Variants in KAZN observed in about 807,000 individuals in gnomAD.
The protein encoded by KAZN is kazrin, periplakin interacting protein, also known as kazrin.
Under a neutral mutation model 87.4 loss-of-function variants are expected in KAZN, and 40 were observed. That is an observed-to-expected ratio of 0.46 (90% CI 0.36 to 0.60). The LOEUF is 0.60. Among genes scored for constraint, KAZN ranks in the 20% least tolerant of loss-of-function variants. The probability of loss-of-function intolerance (pLI) is 0.00; values close to 1 mark genes in which losing one functional copy is unlikely to be tolerated. For missense variants in KAZN, 898 were observed against 1,073.9 expected, an observed-to-expected ratio of 0.84 and a Z score of 2.29; for synonymous variants, 466 against 458.3, an observed-to-expected ratio of 1.02 and a Z score of -0.22.
In KAZN at chr1:14,558,103, G is replaced by T. The variant is rs190810079; in HGVS notation, c.250-40880G>T. ...AGAAAGAATCCCTTCTTCTTTTCAAGTTCTACAGTCACAGATTAAAACAAT... is the reference window on the plus strand; with the variant it reads ...AGAAAGAATCCCTTCTTCTTTTCAATTTCTACAGTCACAGATTAAAACAAT... On this transcript the variant is annotated intron_variant, in intron 2 of 16. Coordinates refer to the KAZN transcript ENST00000636203. 3.3e-5 allele frequency among the ~76,000 whole-genome samples: 5 copies of T among 152,296 alleles called. No individual in the cohort carries two copies. In the East Asian group the frequency reaches 9.6e-4, roughly 29 times the overall value.
At chr1:14,353,334 C>G (rs1267923253) in intron 2 of KAZN, among the ~76,000 whole-genome samples, 7 of 70,836 alleles carry the variant, frequency 9.9e-5, no homozygotes, top group African/African-American at 1.7e-4. Flanking sequence ...ATGCCATTCT[C>G]CTGCCTCAGC....
chr1:14,086,040 C>T (rs1057357317), intron 1 of KAZN, among the ~76,000 whole-genome samples: 1 of 152,148 alleles, frequency 6.6e-6, no homozygotes, highest in Non-Finnish European at 1.5e-5. Context: ...TTGCCATCCT[C>T]TTAAATATAC....
At chr1:14,457,871 G>T (rs1226224452) in intron 2 of KAZN, among the ~76,000 whole-genome samples, 1 of 149,644 alleles carries the variant, frequency 6.7e-6, no homozygotes, top group African/African-American at 2.5e-5. Flanking sequence ...AGGCTGGAGT[G>T]CAGTGGTGCA....
chr1:14,461,946 G>A (rs754235253), intron 2 of KAZN, among the ~76,000 whole-genome samples: 2 of 151,810 alleles, frequency 1.3e-5, no homozygotes, highest in Non-Finnish European at 1.5e-5. Context: ...ATTCTCTCCT[G>A]GGTGATATGG....
intron 1 of KAZN, among the ~76,000 whole-genome samples, chr1:14,020,096 A>G (rs1640755791): frequency 1.3e-5 from 2 of 151,938 alleles, no homozygotes; most frequent in South Asian, 4.2e-4. Flanking sequence ...AGCATGCAGC[A>G]TAGATTTCTT....
chr1:14,285,258 A>G lies in KAZN; in HGVS notation c.249+104666A>G, dbSNP rs975834854. On this transcript the variant is annotated intron_variant, in intron 2 of 16. Coordinates refer to the KAZN transcript ENST00000636203. ...AAGCCTAGTGTATATAAACTACTCA[A>G]TAAGTATTGGCCATTATTATCCTTT... Among the ~76,000 whole-genome samples the G allele has an allele frequency of 3.3e-5, 5 of 152,234 alleles. No homozygotes were observed. In the South Asian group the frequency reaches 1.0e-3, roughly 32 times the overall value.
At chr1:14,502,777 CACTT>C (rs1375252810) in intron 2 of KAZN, among the ~76,000 whole-genome samples, 21 of 152,262 alleles carry the variant, frequency 1.4e-4, no homozygotes, top group Admixed American at 1.4e-3. Context: ...CATTGACAGA[CACTT>C]ACTATGTGCC....
intron 2 of KAZN, among the ~76,000 whole-genome samples, chr1:14,382,457 A>AACCC (rs1661447276): frequency 2.2e-5 from 1 of 45,864 alleles, no homozygotes; most frequent in Non-Finnish European, 4.0e-5. Context: ...TCCCAATGCT[A>AACCC]TCCCTCCCCC....
Position 14,871,820 on chromosome 1 carries a change from G to C in KAZN, c.227-88864G>C, listed in dbSNP as rs190300516. 8.7e-3 allele frequency among the ~76,000 whole-genome samples: 1,319 copies of C among 152,180 alleles called. 19 individuals are homozygous for C. Among genetic ancestry groups the C allele is most frequent in the African/African-American group, 0.029 (1,205 of 41,488 alleles). On this transcript the variant is annotated intron_variant, in intron 1 of 14. Transcript: ENST00000376030. ...CATGCTGACCCTTGGAATCAGAGTG[G>C]GGTCAGCCCCACGTGAGTCTCAGTG...
chr1:14,411,820 T>A (rs1048011759), intron 2 of KAZN, among the ~76,000 whole-genome samples: 2 of 151,896 alleles, frequency 1.3e-5, no homozygotes, highest in African/African-American at 4.9e-5. Context: ...CAGACAGTAA[T>A]AACACGTAAC....
At chr1:13,990,388 T>C (rs1639221091) in intron 1 of KAZN, among the ~76,000 whole-genome samples, 1 of 152,148 alleles carries the variant, frequency 6.6e-6, no homozygotes, top group South Asian at 2.1e-4. Context: ...TGGATGAATA[T>C]CATAAACATT....
intron 8 of KAZN, among the ~76,000 whole-genome samples, chr1:15,079,648 C>G (rs1243680437): frequency 1.3e-5 from 2 of 152,162 alleles, no homozygotes; most frequent in Non-Finnish European, 2.9e-5. Context: ...CCCTGGCCAC[C>G]TGTGTCAAGA....
intron 1 of KAZN, among the ~76,000 whole-genome samples, chr1:14,648,056 T>G (rs1680941723): frequency 6.6e-6 from 1 of 152,214 alleles, no homozygotes; most frequent in Non-Finnish European, 1.5e-5. Flanking sequence ...GAACTTTTCC[T>G]TAGGAACTTT....
intron 1 of KAZN, among the ~76,000 whole-genome samples, chr1:13,914,480 G>A (rs1004485335): frequency 1.3e-5 from 2 of 152,240 alleles, no homozygotes; most frequent in Non-Finnish European, 2.9e-5. Flanking sequence ...GGTGGGTGGG[G>A]TCTGTGCCTG....
At chr1:15,100,278 A>C (rs925731736) in intron 10 of KAZN, among the ~76,000 whole-genome samples, 1 of 152,126 alleles carries the variant, frequency 6.6e-6, no homozygotes, top group Non-Finnish European at 1.5e-5. Flanking sequence ...TGCTGAATGC[A>C]TATCCGGGCA....
chr1:13,986,976 C>A (rs1321489690), intron 1 of KAZN, among the ~76,000 whole-genome samples: 1 of 152,184 alleles, frequency 6.6e-6, no homozygotes, highest in African/African-American at 2.4e-5. Flanking sequence ...CTATCCACAA[C>A]TGCTAGAAGC....
chr1:15,095,798 G>A (rs1640782085), intron 10 of KAZN, among the ~76,000 whole-genome samples: 1 of 152,176 alleles, frequency 6.6e-6, no homozygotes, highest in Non-Finnish European at 1.5e-5. Flanking sequence ...AGCAGGGTTT[G>A]GGGTGGAAAA....
chr1:14,738,936 G>C (rs894909997), intron 1 of KAZN, among the ~76,000 whole-genome samples: 2 of 152,114 alleles, frequency 1.3e-5, no homozygotes, highest in African/African-American at 4.8e-5. Flanking sequence ...ACGGTGGGAG[G>C]CCAAGGCAGG....
At chr1:13,945,829 A>C (rs1641130131) in intron 1 of KAZN, among the ~76,000 whole-genome samples, 1 of 152,016 alleles carries the variant, frequency 6.6e-6, no homozygotes, top group Non-Finnish European at 1.5e-5. Flanking sequence ...TGGTTCTGGC[A>C]AGGGCCACCT....
Sources: allele counts gnomAD v4.1 joint callset (sites outside exome capture counted in the v4.1 genomes callset), GRCh38; gene constraint gnomAD v4.1.1; transcripts MANE v1.5; gene names NCBI Gene and HGNC (gene_info 2026-07-23, HGNC 2026-07-21).